TSEN15: variants seen among roughly 807,000 people sequenced by gnomAD.
The protein encoded by TSEN15 is tRNA-splicing endonuclease subunit Sen15.
In TSEN15, 10 loss-of-function variants were observed where a neutral mutation model predicts 20.5. That is an observed-to-expected ratio of 0.49 (90% confidence interval 0.30 to 0.83). TSEN15 has a LOEUF of 0.83. TSEN15 is among the 40% of genes least tolerant of loss of function. The probability of loss-of-function intolerance (pLI) is 0.06; values close to 1 mark genes in which losing one functional copy is unlikely to be tolerated. For missense variants in TSEN15, 180 were observed against 218.6 expected (o/e 0.82, Z 1.11); for synonymous variants, 72 against 80.1 (o/e 0.90, Z 0.54).
chr1:184,080,542 A>G (rs913032315), intron 3 of TSEN15, among the ~76,000 whole-genome samples: 1 of 152,224 alleles, frequency 6.6e-6, no homozygotes, highest in African/African-American at 2.4e-5. Flanking sequence ...TTTTTGGATC[A>G]ATTACATTAT....
chr1:184,091,826 C>A (rs965336729), intron 3 of TSEN15, among the ~76,000 whole-genome samples: 1 of 152,172 alleles, frequency 6.6e-6, no homozygotes, highest in Non-Finnish European at 1.5e-5. Context: ...AAGAAACAAA[C>A]TTATTTTGGG....
chr1:184,073,093 A>G lies in TSEN15; in HGVS notation c.*246A>G. The G allele has an allele frequency of 2.1e-6, 1 of 465,762 alleles. No individual in the cohort carries two copies. Among genetic ancestry groups the G allele is most frequent in the Non-Finnish European group, 3.8e-6 (1 of 266,490 alleles). The allele number at this position is 465,762 out of a possible 1,614,324, so 28.9% of individuals were successfully genotyped here. On this transcript the variant is annotated 3_prime_UTR_variant, in exon 5 of 5. Transcript: ENST00000645668. Reference sequence around the variant, plus strand: ...AGACAGTTTAATTACAGTTATATACAGGTTTATGCCTAGGATGTATTCAGA... The same window carrying G: ...AGACAGTTTAATTACAGTTATATACGGGTTTATGCCTAGGATGTATTCAGA...
chr1:184,070,233 A>T (rs1650834122), intron 3 of TSEN15, among the ~76,000 whole-genome samples: 1 of 151,960 alleles, frequency 6.6e-6, no homozygotes, highest in African/African-American at 2.4e-5. Context: ...TTCCTTAGTG[A>T]ACACCACCCC....
At chr1:184,071,572 T>C (rs962129747) in intron 3 of TSEN15, among the ~76,000 whole-genome samples, 1 of 151,826 alleles carries the variant, frequency 6.6e-6, no homozygotes, top group Non-Finnish European at 1.5e-5. Flanking sequence ...CTGAGAGAAA[T>C]TGTGATAAAC....
intron 3 of TSEN15, among the ~76,000 whole-genome samples, chr1:184,086,090 A>T (rs775272313): frequency 3.3e-5 from 5 of 152,212 alleles, no homozygotes; most frequent in Non-Finnish European, 7.4e-5. Context: ...TTCTTTTTAG[A>T]TTATTCCAAA....
chr1:184,069,782 G>A (rs895540057), intron 3 of TSEN15, among the ~76,000 whole-genome samples: 1 of 151,988 alleles, frequency 6.6e-6, no homozygotes, highest in Non-Finnish European at 1.5e-5. Flanking sequence ...AAAGATGATG[G>A]CTTTGCTTTA....
At chr1:184,077,140 CA>C (rs1651075647), downstream of TSEN15, among the ~76,000 whole-genome samples, 3 of 152,056 alleles carry the variant, frequency 2.0e-5, no homozygotes, top group Non-Finnish European at 4.4e-5. Context: ...TTCAAAGCTT[CA>C]AAGGATGGGC....
chr1:184,063,182 G>T (rs927981302), intron 3 of TSEN15, among the ~76,000 whole-genome samples: 1 of 152,046 alleles, frequency 6.6e-6, no homozygotes, highest in Admixed American at 6.6e-5. Context: ...GTGGCAGTTG[G>T]TAACCTTTCT....
At position 184,072,958 on chromosome 1, in the gene TSEN15, A is replaced by T; in HGVS notation, c.*111A>T. ...GGGTTGACGTACATAGTGAGGGTTGACTTCCCCATTCCATAAGGTTTTCAT... is the reference window on the plus strand; with the variant it reads ...GGGTTGACGTACATAGTGAGGGTTGTCTTCCCCATTCCATAAGGTTTTCAT... On this transcript the variant is annotated 3_prime_UTR_variant, in exon 5 of 5. Transcript: ENST00000645668. 2.0e-6 allele frequency: 2 copies of T among 1,023,526 alleles called. No homozygotes were observed. Among genetic ancestry groups the T allele is most frequent in the Non-Finnish European group, 2.9e-6 (2 of 690,212 alleles). 63.4% of individuals were successfully genotyped at this position (1,023,526 alleles called of 1,614,324 possible). A position where few individuals can be genotyped will look rare whatever the true frequency, so the allele number is the denominator to read the frequency against.
At chr1:184,071,535 AT>A (rs1650882341) in intron 3 of TSEN15, among the ~76,000 whole-genome samples, 1 of 152,026 alleles carries the variant, frequency 6.6e-6, no homozygotes, top group South Asian at 2.1e-4. Flanking sequence ...CAATTTCTAT[AT>A]TTTTTAGAAT....
chr1:184,078,043 A>G (rs1651097546), downstream of TSEN15, among the ~76,000 whole-genome samples: 3 of 152,170 alleles, frequency 2.0e-5, no homozygotes, highest in South Asian at 2.1e-4. Flanking sequence ...AAGTAGCATC[A>G]GAGTCTACAG....
At chr1:184,078,565 C>T (rs1651106178), downstream of TSEN15, among the ~76,000 whole-genome samples, 1 of 151,972 alleles carries the variant, frequency 6.6e-6, no homozygotes, top group South Asian at 2.1e-4. Flanking sequence ...ATCAGTGTGC[C>T]CTCTGTGCTG....
intron 3 of TSEN15, chr1:184,070,808 T>TTCAC: frequency 1.1e-5 from 5 of 468,108 alleles, no homozygotes; most frequent in Non-Finnish European, 1.6e-5. Context: ...TTCTTGTGAA[T>TTCAC]AAGAATCTAG....
At chr1:184,078,319 C>T (rs191013793), downstream of TSEN15, among the ~76,000 whole-genome samples, 29 of 152,152 alleles carry the variant, frequency 1.9e-4, no homozygotes, top group African/African-American at 3.9e-4. Context: ...ACTACATGTT[C>T]GTGTAAATGC....
intron 3 of TSEN15, among the ~76,000 whole-genome samples, chr1:184,080,783 C>A (rs1651149904): frequency 6.6e-6 from 1 of 152,058 alleles, no homozygotes; most frequent in African/African-American, 2.4e-5. Context: ...AACAGAAAAT[C>A]CAGAAACTTA....
chr1:184,074,499 C>T (rs993386319), downstream of TSEN15, among the ~76,000 whole-genome samples: 4 of 152,132 alleles, frequency 2.6e-5, no homozygotes, highest in Non-Finnish European at 5.9e-5. Context: ...AGGAGGCCAC[C>T]CTCAGCTCTT....
intron 3 of TSEN15, among the ~76,000 whole-genome samples, chr1:184,060,068 G>T (rs939314029): frequency 6.6e-6 from 1 of 152,192 alleles, no homozygotes; most frequent in Non-Finnish European, 1.5e-5. Flanking sequence ...CAAAGAATAT[G>T]AACAGGCAAC....
intron 3 of TSEN15, chr1:184,094,312 C>T (rs1651411098): frequency 6.6e-6 from 1 of 152,378 alleles, no homozygotes; most frequent in Non-Finnish European, 1.5e-5. Flanking sequence ...GTTGAATTCC[C>T]AGGACCCTGT....
chr1:184,074,024 C>A lies in TSEN15; in HGVS notation c.*1177C>A, dbSNP rs781580318. On this transcript the variant is annotated 3_prime_UTR_variant, in exon 5 of 5. Transcript: ENST00000645668. ...AAAATATTACCTTAAGTAAAAATTG[C>A]AAGACGGAAAAGTGTATAAGTGGGT... 3 of 151,924 alleles carry A rather than the reference C, an allele frequency of 2.0e-5. No individual in the cohort carries two copies. Among genetic ancestry groups the A allele is most frequent in the African/African-American group, 7.3e-5 (3 of 41,348 alleles). 9.4% of individuals were successfully genotyped at this position (151,924 alleles called of 1,614,324 possible). A position where few individuals can be genotyped will look rare whatever the true frequency, so the allele number is the denominator to read the frequency against.
Sources: gnomAD v4.1 joint callset for allele counts (sites outside exome capture counted in the v4.1 genomes callset) on GRCh38, gnomAD v4.1.1 for gene constraint, MANE v1.5 for transcripts, NCBI Gene and HGNC (gene_info 2026-07-23, HGNC 2026-07-21) for gene names.